The following NELL2 variants were observed in gnomAD, a reference collection of about 807,000 sequenced individuals.
NELL2 encodes the protein neural EGFL like 2.
NELL2 carries 41 observed loss-of-function variants against 109.6 expected under a neutral mutation model. The ratio of observed to expected loss-of-function variants is 0.37; its 90% CI spans 0.29 to 0.49. The LOEUF is 0.49. Among genes scored for constraint, NELL2 ranks in the 20% least tolerant of loss-of-function variants. The pLI is 0.98. For synonymous variants in NELL2, 355 were observed against 344.7 expected (o/e 1.03, Z -0.33); for missense variants, 900 against 1,008.3 (o/e 0.89, Z 1.45).
chr12:44,726,282 ATTTC>A (rs2136463429), intron 9 of NELL2, among the ~76,000 whole-genome samples: 1 of 152,290 alleles, frequency 6.6e-6, no homozygotes, highest in African/African-American at 2.4e-5. Flanking sequence ...CGCTAGATGT[ATTTC>A]TTTAAGTTTT....
chr12:44,636,776 A>T (rs1321348109), intron 13 of NELL2, among the ~76,000 whole-genome samples: 1 of 152,126 alleles, frequency 6.6e-6, no homozygotes, highest in African/African-American at 2.4e-5. Flanking sequence ...AGGTTTTGGT[A>T]TCAGGATGAT....
intron 12 of NELL2, among the ~76,000 whole-genome samples, chr12:44,697,293 G>A (rs1949093824): frequency 6.6e-6 from 1 of 152,138 alleles, no homozygotes; most frequent in Admixed American, 6.6e-5. Context: ...GGCAGCCCAG[G>A]GGACAAGGCA....
At chr12:44,551,171 C>CT (rs1943032697) in intron 15 of NELL2, among the ~76,000 whole-genome samples, 1 of 152,148 alleles carries the variant, frequency 6.6e-6, no homozygotes, top group Non-Finnish European at 1.5e-5. Context: ...AGCCTTTTGT[C>CT]TATCAAGCAT....
intron 3 of NELL2, among the ~76,000 whole-genome samples, chr12:44,787,349 G>T (rs1031880643): frequency 6.6e-6 from 1 of 152,048 alleles, no homozygotes; most frequent in Non-Finnish European, 1.5e-5. Flanking sequence ...ATTCTCCCCA[G>T]TGTGATATAA....
intron 2 of NELL2, among the ~76,000 whole-genome samples, chr12:44,817,014 G>A (rs146435681): frequency 5.3e-5 from 8 of 152,344 alleles, no homozygotes; most frequent in Non-Finnish European, 1.2e-4. Flanking sequence ...TTTGTATTGT[G>A]ATCAAATTAC....
At chr12:44,509,847 G>T (rs1940905852) in intron 19 of NELL2, among the ~76,000 whole-genome samples, 1 of 152,154 alleles carries the variant, frequency 6.6e-6, no homozygotes, top group South Asian at 2.1e-4. Flanking sequence ...GTCCAGGGTA[G>T]ACTGTTCTGT....
chr12:44,895,327 G>A (rs547255572), intron 1 of NELL2, among the ~76,000 whole-genome samples: 7 of 152,130 alleles, frequency 4.6e-5, no homozygotes, highest in South Asian at 2.1e-4. Flanking sequence ...GGAACAAAAC[G>A]CAAGAGTTGA....
intron 13 of NELL2, among the ~76,000 whole-genome samples, chr12:44,644,061 T>C (rs1946960548): frequency 6.6e-6 from 1 of 152,108 alleles, no homozygotes; most frequent in Non-Finnish European, 1.5e-5. Flanking sequence ...GTCTCAAACT[T>C]ACAGTTACTA....
intron 2 of NELL2, among the ~76,000 whole-genome samples, chr12:44,874,035 C>T (rs1945242693): frequency 6.6e-6 from 1 of 152,154 alleles, no homozygotes; most frequent in Non-Finnish European, 1.5e-5. Flanking sequence ...AAATGTAACA[C>T]ATGTGAATTT....
intron 1 of NELL2, among the ~76,000 whole-genome samples, chr12:44,902,713 C>A (rs1945675399): frequency 6.6e-6 from 1 of 152,086 alleles, no homozygotes; most frequent in South Asian, 2.1e-4. Flanking sequence ...AGAGATAGAC[C>A]AATGGAACAG....
rs571655256 is a variant in NELL2, at chr12:44,673,053, T to C, written c.1319-7444A>G. On this transcript the variant is annotated intron_variant, in intron 12 of 19. Coordinates refer to ENST00000429094, the MANE Select transcript of NELL2 (RefSeq NM_001145108.2). ...TAAAGTGTCAGCCTATTACTTGGAG[T>C]AGTGTTGTGAGACAGAGCGAAGTAA... is the stretch of plus-strand genomic sequence containing the variant. Among the ~76,000 whole-genome samples, 7 of 152,070 alleles carry C rather than the reference T, an allele frequency of 4.6e-5. No individual in the cohort carries two copies. The Middle Eastern group carries it at 0.017, about 372-fold the overall frequency.
intron 2 of NELL2, among the ~76,000 whole-genome samples, chr12:44,834,380 T>C (rs1473350513): frequency 6.6e-6 from 1 of 151,808 alleles, no homozygotes; most frequent in Non-Finnish European, 1.5e-5. Flanking sequence ...TATAAAAATG[T>C]GTATATATAC....
chr12:44,821,366 T>C (rs1411154763), intron 2 of NELL2, among the ~76,000 whole-genome samples: 1 of 152,186 alleles, frequency 6.6e-6, no homozygotes, highest in Non-Finnish European at 1.5e-5. Context: ...GCATCCTTTA[T>C]CCATGCCTAA....
intron 12 of NELL2, among the ~76,000 whole-genome samples, chr12:44,699,594 T>C (rs1949165698): frequency 6.6e-6 from 1 of 152,066 alleles, no homozygotes; most frequent in African/African-American, 2.4e-5. Flanking sequence ...AGAAGAACTC[T>C]CTCTCCTTTC....
intron 2 of NELL2, among the ~76,000 whole-genome samples, chr12:44,863,290 A>G (rs1313113463): frequency 6.6e-6 from 1 of 152,230 alleles, no homozygotes; most frequent in African/African-American, 2.4e-5. Flanking sequence ...CTGGAGAAAG[A>G]TATCCAGATA....
At chr12:44,737,122 AT>A (rs1370062744) in intron 9 of NELL2, among the ~76,000 whole-genome samples, 1 of 152,080 alleles carries the variant, frequency 6.6e-6, no homozygotes, top group African/African-American at 2.4e-5. Context: ...TTCAAAATAA[AT>A]ACCACATACT....
chr12:44,872,354 T>C (rs1945188546), intron 2 of NELL2, among the ~76,000 whole-genome samples: 1 of 152,164 alleles, frequency 6.6e-6, no homozygotes, highest in South Asian at 2.1e-4. Flanking sequence ...ATCTTATTAC[T>C]TGAATTTCCA....
Position 44,855,523 on chromosome 12 carries a change from C to A in NELL2, c.184+19702G>T, listed in dbSNP as rs530485190. ...AAAATTCTAAGGTCTTTCAATCATC[C>A]CTCATCTGGCATAGTTTCCAAACCT... On this transcript the variant is annotated intron_variant, in intron 2 of 19. Coordinates refer to ENST00000429094, the MANE Select transcript of NELL2 (RefSeq NM_001145108.2). 2.0e-5 allele frequency among the ~76,000 whole-genome samples: 3 copies of A among 152,272 alleles called. No homozygotes were observed. The South Asian group carries it at 6.2e-4, about 32-fold the overall frequency.
At chr12:44,776,799 G>C (rs1018732128) in intron 7 of NELL2, among the ~76,000 whole-genome samples, 1 of 152,120 alleles carries the variant, frequency 6.6e-6, no homozygotes, top group Middle Eastern at 3.2e-3. Context: ...AAATCCTCCT[G>C]TAGTAAGCAG....
Sources: allele counts gnomAD v4.1 joint callset (sites outside exome capture counted in the v4.1 genomes callset), GRCh38; gene constraint gnomAD v4.1.1; transcripts MANE v1.5; gene names NCBI Gene and HGNC (gene_info 2026-07-23, HGNC 2026-07-21).